PARD3B: variants seen among roughly 807,000 people sequenced by gnomAD.
The protein encoded by PARD3B is par-3 family cell polarity regulator beta.
A neutral mutation model predicts 130.2 loss-of-function variants in PARD3B; 103 were observed. That is an observed-to-expected ratio of 0.79 (90% CI 0.67 to 0.93). The LOEUF is 0.93. Among genes scored for constraint, PARD3B ranks in the 40% least tolerant of loss-of-function variants. PARD3B has a pLI of 0.00. For missense variants in PARD3B, 1,609 were observed against 1,499.2 expected, an observed-to-expected ratio of 1.07 and a Z score of -1.21; for synonymous variants, 583 against 553.2, an observed-to-expected ratio of 1.05 and a Z score of -0.76.
chr2:205,341,107 A>G lies in PARD3B; in HGVS notation c.2630+39406A>G, dbSNP rs1265869087. Among the ~76,000 whole-genome samples the G allele has an allele frequency of 1.3e-5, 2 of 152,112 alleles. No individual in the cohort carries two copies. Among genetic ancestry groups the G allele is most frequent in the Non-Finnish European group, 2.9e-5 (2 of 67,970 alleles). The stretch of plus-strand genomic sequence containing the variant: ...AAAATAAAAAATAAAAAAATAAAAA[A>G]TGCTAAAGAAAAGGGAACTCTTAGA... On this transcript the variant is annotated intron_variant, in intron 18 of 22. Coordinates refer to ENST00000406610, the MANE Select transcript of PARD3B (RefSeq NM_001302769.2). This position sits in a 1 kb window ranked among gnomAD's most constrained non-coding sequence, Gnocchi z 4.3.
intron 4 of PARD3B, among the ~76,000 whole-genome samples, chr2:205,081,169 TTC>T (rs1377611144): frequency 6.6e-6 from 1 of 152,090 alleles, no homozygotes; most frequent in Middle Eastern, 3.2e-3. Context: ...TGCTTTTATA[TTC>T]TGTTAATATA....
chr2:204,740,017 T>C (rs1034399598), intron 2 of PARD3B, among the ~76,000 whole-genome samples: 2 of 152,014 alleles, frequency 1.3e-5, no homozygotes, highest in African/African-American at 4.8e-5. Context: ...TTTTGTTTTT[T>C]CTTTTTTGTG....
At chr2:205,054,434 A>ATTTTTT (rs1482779392) in intron 4 of PARD3B, among the ~76,000 whole-genome samples, 3 of 29,486 alleles carry the variant, frequency 1.0e-4, no homozygotes, top group African/African-American at 4.6e-4. Context: ...ATATATATAT[A>ATTTTTT]TATTTTTTTT....
In PARD3B at chr2:205,592,376, T is replaced by C. The variant is rs2054417687; in HGVS notation, c.3261-23080T>C. On this transcript the variant is annotated intron_variant, in intron 22 of 22. Transcript: ENST00000406610. This position sits in a 1 kb window ranked among gnomAD's most constrained non-coding sequence, Gnocchi z 4.5. ...GGGATGAGGCTGAAACTCAAATGAG[T>C]ACCCATTTAAAGAAAAGAAAACCCC... 6.6e-6 allele frequency among the ~76,000 whole-genome samples: 1 copy of C among 152,030 alleles called. No individual in the cohort carries two copies. The highest frequency in any genetic ancestry group is 1.9e-4 in the East Asian group (1 of 5,156).
At chr2:205,608,795 A>T (rs966211488) in intron 22 of PARD3B, among the ~76,000 whole-genome samples, 1 of 151,576 alleles carries the variant, frequency 6.6e-6, no homozygotes. Flanking sequence ...GTCATTGTTT[A>T]AAAAAAAAGA....
chr2:205,602,648 T>C (rs1325775168), intron 22 of PARD3B, among the ~76,000 whole-genome samples: 1 of 152,194 alleles, frequency 6.6e-6, no homozygotes, highest in Non-Finnish European at 1.5e-5. Flanking sequence ...TTTTCTAGTT[T>C]ATTTGCATAG....
In PARD3B at chr2:205,463,450, A is replaced by C. The variant is rs553054594; in HGVS notation, c.3044+22778A>C. The stretch of plus-strand genomic sequence containing the variant: ...CACATTAATTCTTTAAAAAAAAAAA[A>C]AAAAAAAAACCTGTCATTTAATTTT... On this transcript the variant is annotated intron_variant, in intron 20 of 22. Transcript: ENST00000406610. This position sits in a 1 kb window ranked among gnomAD's most constrained non-coding sequence, Gnocchi z 4.8. Among the ~76,000 whole-genome samples, 19 of 152,212 alleles carry C rather than the reference A, an allele frequency of 1.2e-4. No homozygotes were observed. The East Asian group carries it at 1.5e-3, about 12-fold the overall frequency.
At chr2:205,401,188 G>C in intron 19 of PARD3B, 65 bp downstream of exon 19, 1 of 1,264,780 alleles carries the variant, frequency 7.9e-7, no homozygotes, top group South Asian at 1.3e-5. Flanking sequence ...TTTAGATATT[G>C]CAACAGTCAA....
chr2:205,417,104 A>C (rs1229559814), intron 19 of PARD3B, among the ~76,000 whole-genome samples: 1 of 109,370 alleles, frequency 9.1e-6, no homozygotes, highest in African/African-American at 3.8e-5. Flanking sequence ...GGCAGGCCCC[A>C]GTGTGTGATG....
chr2:204,916,644 G>GT lies in PARD3B; in HGVS notation c.223-48499dup, dbSNP rs201293227. Among the ~76,000 whole-genome samples the GT allele has an allele frequency of 2.4e-4, 36 of 151,376 alleles. No homozygotes were observed. In the Middle Eastern group the frequency reaches 0.014, roughly 58 times the overall value. ...AATATTTTCATTGTCTAAAGATGTA[G>GT]TTTTTTTTTATGATAAAAAAGATTC... On this transcript the variant is annotated intron_variant, in intron 2 of 22. Coordinates refer to ENST00000406610, the MANE Select transcript of PARD3B (RefSeq NM_001302769.2).
intron 2 of PARD3B, among the ~76,000 whole-genome samples, chr2:204,879,756 G>A (rs1371245291): frequency 2.0e-5 from 3 of 152,184 alleles, no homozygotes; most frequent in Non-Finnish European, 4.4e-5. Context: ...ATGTTTGGTT[G>A]GAGGCGGTTT....
At chr2:205,201,595 T>TG (rs2036991289) in intron 15 of PARD3B, among the ~76,000 whole-genome samples, 3 of 152,304 alleles carry the variant, frequency 2.0e-5, no homozygotes, top group South Asian at 4.1e-4. Context: ...CCCAGCCCTT[T>TG]GGGGGGCCAA....
intron 10 of PARD3B, among the ~76,000 whole-genome samples, chr2:205,133,230 G>C (rs1289770346): frequency 1.3e-5 from 2 of 152,160 alleles, no homozygotes; most frequent in East Asian, 3.8e-4. Flanking sequence ...TACTTGTAAA[G>C]ACATATGAGA....
chr2:204,700,348 T>G (rs2037831548), intron 2 of PARD3B, among the ~76,000 whole-genome samples: 1 of 152,172 alleles, frequency 6.6e-6, no homozygotes, highest in Non-Finnish European at 1.5e-5. Context: ...CTCCTAGTTA[T>G]AACTTTATTG....
At chr2:205,225,815 C>G (rs976506956) in intron 15 of PARD3B, among the ~76,000 whole-genome samples, 2 of 152,144 alleles carry the variant, frequency 1.3e-5, no homozygotes, top group Admixed American at 6.5e-5. Context: ...AAATCCACCC[C>G]CATGATCAAA....
chr2:205,524,842 G>A (rs970377283), intron 21 of PARD3B, among the ~76,000 whole-genome samples: 9 of 152,022 alleles, frequency 5.9e-5, no homozygotes, highest in Non-Finnish European at 8.8e-5. Flanking sequence ...CCTCCTTTCC[G>A]CCCAACCCAT....
intron 16 of PARD3B, among the ~76,000 whole-genome samples, chr2:205,259,100 T>G (rs972193019): frequency 6.6e-6 from 1 of 152,174 alleles, no homozygotes; most frequent in African/African-American, 2.4e-5. Flanking sequence ...TTCCATTTTG[T>G]TTTCTTTCTT....
chr2:205,247,789 G>A (rs2039633400), intron 16 of PARD3B, among the ~76,000 whole-genome samples: 2 of 152,196 alleles, frequency 1.3e-5, no homozygotes, highest in Non-Finnish European at 2.9e-5. Context: ...ATACTGTAGA[G>A]TCACATTAAA....
rs908068488 is a variant in PARD3B at position 205,244,195 on chromosome 2, T to C, written c.2141-1583T>C. Among the ~76,000 whole-genome samples the C allele has an allele frequency of 1.3e-5, 2 of 152,188 alleles. No homozygotes were observed. Among genetic ancestry groups the C allele is most frequent in the African/African-American group, 4.8e-5 (2 of 41,448 alleles). ...GTGGGAGTGGGAAGATTATGTATAGTAACTGGGTCAATTAAGACTGAATGT... is the reference window on the plus strand; with the variant it reads ...GTGGGAGTGGGAAGATTATGTATAGCAACTGGGTCAATTAAGACTGAATGT... On this transcript the variant is annotated intron_variant, in intron 15 of 22. Transcript: ENST00000406610. The surrounding 1 kb of genome is among the most constrained non-coding windows in gnomAD (Gnocchi z 4.7).
Sources: gnomAD v4.1 joint callset for allele counts (sites outside exome capture counted in the v4.1 genomes callset) on GRCh38, gnomAD v4.1.1 for gene constraint, Gnocchi (gnomAD v3.1) non-coding constraint, MANE v1.5 for transcripts, NCBI Gene and HGNC (gene_info 2026-07-23, HGNC 2026-07-21) for gene names.